The following GSE1 variants were observed in gnomAD, a reference collection of about 807,000 sequenced individuals.
GSE1 encodes the protein Gse1 coiled-coil protein.
In GSE1, 32 loss-of-function variants were observed where a neutral mutation model predicts 112.6. The observed-to-expected ratio is 0.28, with a 90% confidence interval of 0.21 to 0.38. GSE1 has a LOEUF of 0.38. Ranked by LOEUF, GSE1 falls within the 10% of genes least tolerant of loss-of-function variation. The pLI, the probability that GSE1 is intolerant of heterozygous loss-of-function variation, is 1.00. For synonymous variants in GSE1, 1,115 were observed against 735.6 expected, an observed-to-expected ratio of 1.52 and a Z score of -8.35; for missense variants, 2,348 against 1,699.2, an observed-to-expected ratio of 1.38 and a Z score of -6.71.
chr16:85,505,755 A>G (rs1166440487), intron 2 of GSE1, among the ~76,000 whole-genome samples: 2 of 152,062 alleles, frequency 1.3e-5, no homozygotes, highest in African/African-American at 4.8e-5. Flanking sequence ...GCGGTAACTC[A>G]CACCTGCAAC....
In GSE1 at chr16:85,617,714, GC is replaced by G. The variant is rs546550363; in HGVS notation, c.7+4322del. 5.9e-4 allele frequency among the ~76,000 whole-genome samples: 89 copies of G among 150,078 alleles called. 2 individuals carry two copies. The highest frequency in any genetic ancestry group is 2.1e-3 in the African/African-American group (85 of 40,914). ...CAGGGTGGGAGCTTTTCAATGCTTG[GC>G]CCCCCTAATCCAGAAGGGCCTTCTG... On this transcript the variant is annotated intron_variant, in intron 1 of 15. Transcript: ENST00000253458.
At chr16:85,432,051 C>T (rs557747602) in intron 2 of GSE1, among the ~76,000 whole-genome samples, 6 of 152,332 alleles carry the variant, frequency 3.9e-5, no homozygotes, top group South Asian at 4.1e-4. Flanking sequence ...TCTAGCTGCA[C>T]GCCCCCGAAC....
chr16:85,331,359 G>GTATATACATATGTATATATA (rs1192723319), intron 1 of GSE1, among the ~76,000 whole-genome samples: 10 of 54,480 alleles, frequency 1.8e-4, no homozygotes, highest in Non-Finnish European at 4.4e-4. Context: ...GTGTGTGTGT[G>GTATATACATATGTATATATA]TGTGTGTATA....
chr16:85,199,600 G>A (rs900130394), intron 1 of GSE1, among the ~76,000 whole-genome samples: 20 of 152,340 alleles, frequency 1.3e-4, no homozygotes, highest in African/African-American at 4.6e-4. Flanking sequence ...CTGATTTCTG[G>A]GTAATGCGTA....
At chr16:85,639,362 G>A (rs1465036799) in intron 2 of GSE1, among the ~76,000 whole-genome samples, 2 of 152,148 alleles carry the variant, frequency 1.3e-5, no homozygotes, top group Non-Finnish European at 2.9e-5. Context: ...GACCTCTTCT[G>A]CACAGACACC....
intron 1 of GSE1, among the ~76,000 whole-genome samples, chr16:85,239,090 C>A (rs1904962998): frequency 6.6e-6 from 1 of 152,094 alleles, no homozygotes; most frequent in Non-Finnish European, 1.5e-5. Context: ...ACCACGCCCC[C>A]CTAATTTGTT....
In GSE1 at chr16:85,655,993, G is replaced by A. The variant is rs540688901; in HGVS notation, c.989+76G>A. On this transcript the variant is annotated intron_variant, in intron 6 of 15. Coordinates refer to ENST00000253458, the MANE Select transcript of GSE1 (RefSeq NM_014615.5). The stretch of plus-strand genomic sequence containing the variant: ...GGCAGCTGGGCAGAAAGCCTGGGCT[G>A]GAACCTGACTGGACTCCTTGGCCAT... 494 of 1,218,200 alleles carry A rather than the reference G, an allele frequency of 4.1e-4. 1 individual carries two copies. Among genetic ancestry groups the A allele is most frequent in the Non-Finnish European group, 5.4e-4 (471 of 868,950 alleles). The allele number at this position is 1,218,200 out of a possible 1,614,324, so 75.5% of individuals were successfully genotyped here.
intron 1 of GSE1, among the ~76,000 whole-genome samples, chr16:85,303,499 AGCGCTTGCTGT>A (rs1381460613): frequency 1.3e-5 from 2 of 152,204 alleles, no homozygotes; most frequent in African/African-American, 4.8e-5. Flanking sequence ...CCGCTTGCTG[AGCGCTTGCTGT>A]GAGCCCGGGG....
rs572795254 is a variant in GSE1 at position 85,626,853 on chromosome 16, C to G, written c.8-7061C>G. Among the ~76,000 whole-genome samples, 18 of 152,024 alleles carry G rather than the reference C, an allele frequency of 1.2e-4. No individual in the cohort carries two copies. In the South Asian group the frequency reaches 3.7e-3, roughly 32 times the overall value. The stretch of plus-strand genomic sequence containing the variant: ...GGGAGGGGGAGCGAGGAATGGGACA[C>G]CATATTTAATGGAGTAGAGAGGCCT... On this transcript the variant is annotated intron_variant, in intron 1 of 15. Coordinates refer to ENST00000253458, the MANE Select transcript of GSE1 (RefSeq NM_014615.5).
intron 2 of GSE1, among the ~76,000 whole-genome samples, chr16:85,464,100 G>C (rs1271526756): frequency 1.3e-5 from 2 of 152,152 alleles, no homozygotes; most frequent in African/African-American, 2.4e-5. Context: ...CCCATGCCTG[G>C]CCCCTCCTGG....
chr16:85,562,998 C>T (rs1291128669), intron 1 of GSE1, among the ~76,000 whole-genome samples: 1 of 152,206 alleles, frequency 6.6e-6, no homozygotes, highest in African/African-American at 2.4e-5. Context: ...ATGGGATCCC[C>T]TCTTAGGGGA....
chr16:85,561,789 T>C (rs1567590835), intron 1 of GSE1, among the ~76,000 whole-genome samples: 1 of 152,238 alleles, frequency 6.6e-6, no homozygotes. Context: ...CTTCCCCTGC[T>C]GAGAGCTGGG....
chr16:85,475,604 G>C (rs1404628602), intron 2 of GSE1, among the ~76,000 whole-genome samples: 1 of 152,184 alleles, frequency 6.6e-6, no homozygotes, highest in Non-Finnish European at 1.5e-5. Flanking sequence ...TGTCTGCAGT[G>C]CCTGGGCAAT....
At chr16:85,538,800 C>A (rs1008393999) in intron 2 of GSE1, among the ~76,000 whole-genome samples, 1 of 152,182 alleles carries the variant, frequency 6.6e-6, no homozygotes, top group African/African-American at 2.4e-5. Context: ...ATTTAAGCCA[C>A]CTTCGTTTCC....
chr16:85,195,380 T>C (rs2074907246), intron 1 of GSE1, among the ~76,000 whole-genome samples: 1 of 152,120 alleles, frequency 6.6e-6, no homozygotes, highest in African/African-American at 2.4e-5. Flanking sequence ...GTGGGGGCCG[T>C]AACCCTGGCT....
At chr16:85,392,306 C>T (rs896692296) in intron 2 of GSE1, among the ~76,000 whole-genome samples, 21 of 152,342 alleles carry the variant, frequency 1.4e-4, no homozygotes, top group African/African-American at 4.3e-4. Context: ...ACACAGGACA[C>T]CCAGTGAAAC....
intron 2 of GSE1, among the ~76,000 whole-genome samples, chr16:85,371,572 G>A (rs1210096592): frequency 1.3e-5 from 2 of 152,296 alleles, no homozygotes; most frequent in African/African-American, 4.8e-5. Context: ...CAGGGCCTTG[G>A]GGCCACAGCT....
At chr16:85,272,517 T>C (rs1366590167) in intron 1 of GSE1, among the ~76,000 whole-genome samples, 1 of 152,174 alleles carries the variant, frequency 6.6e-6, no homozygotes. Flanking sequence ...CTCCTAAACC[T>C]TCTGAATGTC....
chr16:85,655,820 C>A lies in GSE1; in HGVS notation c.892C>A (p.His298Asn), dbSNP rs372333252. Residue 298 changes from histidine (H) to asparagine (N), a missense_variant, in exon 6 of 16, where the codon CAC becomes AAC. His to Asn is a moderately conservative substitution (Grantham distance 68). Transcript: ENST00000253458. ...SLPPLHPSAMHLHLSGVRYPP... is the reference protein window; with the variant it reads ...SLPPLHPSAMNLHLSGVRYPP... ...GCCCCCACTGCACCCATCAGCGATG[C>A]ACCTGCACCTCTCTGGGGTCCGCTA... The A allele has an allele frequency of 1.1e-5, 17 of 1,610,012 alleles. No homozygotes were observed. The highest frequency in any genetic ancestry group is 2.7e-5 in the African/African-American group (2 of 74,862).
Sources: allele counts gnomAD v4.1 joint callset (sites outside exome capture counted in the v4.1 genomes callset), GRCh38; gene constraint gnomAD v4.1.1; transcripts MANE v1.5; gene names NCBI Gene and HGNC (gene_info 2026-07-23, HGNC 2026-07-21).